The following NTN4 variants were observed in gnomAD, a reference collection of about 807,000 sequenced individuals.
NTN4 encodes netrin-4.
NTN4 carries 32 observed loss-of-function variants against 73.6 expected under a neutral mutation model. The observed-to-expected ratio is 0.44, with a 90% CI of 0.33 to 0.58. The LOEUF (loss-of-function observed/expected upper bound fraction) is 0.58. Ranked by LOEUF, NTN4 falls within the 20% of genes least tolerant of loss-of-function variation. The probability of loss-of-function intolerance (pLI) is 0.04; values close to 1 mark genes in which losing one functional copy is unlikely to be tolerated. For missense variants in NTN4, 654 were observed against 798.3 expected (o/e 0.82, Z 2.18); for synonymous variants, 258 against 287.5 (o/e 0.90, Z 1.04).
At chr12:95,679,603 A>T (rs1296993321) in intron 7 of NTN4, among the ~76,000 whole-genome samples, 2 of 152,146 alleles carry the variant, frequency 1.3e-5, no homozygotes, top group East Asian at 3.9e-4. Context: ...AATTCTATGA[A>T]CAATTATTGC....
At chr12:95,750,820 C>T (rs1428436055) in intron 2 of NTN4, among the ~76,000 whole-genome samples, 1 of 152,210 alleles carries the variant, frequency 6.6e-6, no homozygotes, top group African/African-American at 2.4e-5. Flanking sequence ...CTCTGCTTCT[C>T]CACCCTATAA....
chr12:95,762,547 G>T (rs1043289836), intron 2 of NTN4, among the ~76,000 whole-genome samples: 7 of 152,222 alleles, frequency 4.6e-5, no homozygotes, highest in African/African-American at 1.7e-4. Context: ...TAGAAGAAAA[G>T]ACTTGCAGAA....
intron 2 of NTN4, among the ~76,000 whole-genome samples, chr12:95,770,522 G>A (rs578064095): frequency 6.6e-6 from 1 of 152,138 alleles, no homozygotes; most frequent in Non-Finnish European, 1.5e-5. Context: ...GGGATCAGGG[G>A]CTATTTACTG....
intron 7 of NTN4, 39 bp from the exon 8 acceptor site, chr12:95,670,185 A>G (rs2078216715): frequency 8.0e-7 from 1 of 1,249,400 alleles, no homozygotes; most frequent in African/African-American, 1.5e-5. Flanking sequence ...AGTTATTAGA[A>G]AAGCAAAGAA....
In NTN4 at chr12:95,786,993, C is replaced by G; in HGVS notation, c.531G>C (p.Lys177Asn). Residue 177 changes from lysine to asparagine, a missense_variant, in exon 2 of 10, where the codon AAG (lysine) becomes AAC (asparagine). Transcript: ENST00000343702. The stretch of plus-strand genomic sequence containing the variant: ...AGTATTTAGAAGTACAAATAGCGCC[C>G]TTCTTGACAACATCATCTTCCAGGC... ...TFGLEDDVVKKGAICTSKYSS... is the reference protein window; with the variant it reads ...TFGLEDDVVKNGAICTSKYSS... The G allele has an allele frequency of 6.2e-7, 1 of 1,614,212 alleles. No homozygotes were observed. Among genetic ancestry groups the G allele is most frequent in the Admixed American group, 1.7e-5 (1 of 60,026 alleles).
intron 7 of NTN4, among the ~76,000 whole-genome samples, chr12:95,676,135 C>T (rs1182043523): frequency 6.6e-6 from 1 of 151,904 alleles, no homozygotes; most frequent in Non-Finnish European, 1.5e-5. Context: ...ATGGAGTCTC[C>T]CTCTGTCACC....
intron 2 of NTN4, among the ~76,000 whole-genome samples, chr12:95,770,992 GTT>G (rs762519015): frequency 2.8e-5 from 2 of 70,796 alleles, no homozygotes; most frequent in African/African-American, 4.1e-5. Flanking sequence ...AAAAGAATTT[GTT>G]TTTTTTTTTT....
chr12:95,670,367 A>T, intron 7 of NTN4: 1 of 379,486 alleles, frequency 2.6e-6, no homozygotes. Context: ...AGAGAAATAC[A>T]GAAGGTAGAA....
At chr12:95,706,966 C>CT (rs2078525758) in intron 5 of NTN4, among the ~76,000 whole-genome samples, 1 of 152,192 alleles carries the variant, frequency 6.6e-6, no homozygotes, top group Admixed American at 6.6e-5. Context: ...ATTTACAAGT[C>CT]TAACAGATTT....
At chr12:95,741,444 TATATATA>T (rs2078824795) in intron 2 of NTN4, among the ~76,000 whole-genome samples, 1 of 105,418 alleles carries the variant, frequency 9.5e-6, no homozygotes, top group Non-Finnish European at 1.8e-5. Context: ...TATATATATA[TATATATA>T]TATATATATA....
intron 8 of NTN4, among the ~76,000 whole-genome samples, chr12:95,666,924 C>G (rs987573594): frequency 2.2e-5 from 3 of 138,108 alleles, no homozygotes; most frequent in Non-Finnish European, 4.7e-5. Context: ...CTAATGATAG[C>G]TGATGAACTG....
intron 2 of NTN4, among the ~76,000 whole-genome samples, chr12:95,782,620 T>C (rs556793865): frequency 2.0e-5 from 3 of 152,200 alleles, no homozygotes; most frequent in Non-Finnish European, 4.4e-5. Flanking sequence ...CAAAGATTAC[T>C]TTGAGACCCA....
At chr12:95,744,109 C>G (rs2078844994) in intron 2 of NTN4, among the ~76,000 whole-genome samples, 1 of 151,998 alleles carries the variant, frequency 6.6e-6, no homozygotes, top group African/African-American at 2.4e-5. Flanking sequence ...ACTATCTTGG[C>G]CAGGCTGGTC....
chr12:95,771,467 CAAATT>C (rs781519794), intron 2 of NTN4, among the ~76,000 whole-genome samples: 4 of 152,084 alleles, frequency 2.6e-5, no homozygotes, highest in South Asian at 2.1e-4. Flanking sequence ...ATTCTGCACA[CAAATT>C]GAAATTGTGA....
intron 7 of NTN4, among the ~76,000 whole-genome samples, chr12:95,676,425 T>A (rs879926436): frequency 2.8e-4 from 43 of 150,934 alleles, no homozygotes; most frequent in African/African-American, 8.5e-4. Flanking sequence ...AAAAAAAAAA[T>A]ATTCTAAAAA....
chr12:95,770,413 G>A (rs1017412821), intron 2 of NTN4, among the ~76,000 whole-genome samples: 1 of 152,194 alleles, frequency 6.6e-6, no homozygotes, highest in East Asian at 1.9e-4. Context: ...TGGAGGGCAA[G>A]GATGAGGGTT....
chr12:95,659,397 G>A (rs1407659197), intron 9 of NTN4, among the ~76,000 whole-genome samples, 175 bp from the exon 10 acceptor site: 1 of 152,148 alleles, frequency 6.6e-6, no homozygotes, highest in African/African-American at 2.4e-5. Context: ...CTGGGTTTAG[G>A]TAATCCTCCC....
At chr12:95,752,754 C>T (rs1437633579) in intron 2 of NTN4, among the ~76,000 whole-genome samples, 4 of 152,234 alleles carry the variant, frequency 2.6e-5, no homozygotes, top group Non-Finnish European at 5.9e-5. Flanking sequence ...CACCGTGTAG[C>T]CTTTCTGTCC....
intron 2 of NTN4, among the ~76,000 whole-genome samples, chr12:95,771,480 T>C (rs1250859312): frequency 6.6e-6 from 1 of 152,228 alleles, no homozygotes; most frequent in Non-Finnish European, 1.5e-5. Context: ...ATTGAAATTG[T>C]GAAAGTATAA....
Sources: allele counts gnomAD v4.1 joint callset (sites outside exome capture counted in the v4.1 genomes callset), GRCh38; gene constraint gnomAD v4.1.1; transcripts MANE v1.5; gene names NCBI Gene and HGNC (gene_info 2026-07-23, HGNC 2026-07-21).